GSK3B: variants seen among roughly 807,000 people sequenced by gnomAD.
GSK3B encodes glycogen synthase kinase-3 beta.
Under a neutral mutation model 56.4 loss-of-function variants are expected in GSK3B, and 15 were observed. The observed-to-expected ratio is 0.27, with a 90% confidence interval of 0.18 to 0.41. GSK3B has a LOEUF of 0.41. GSK3B is among the 10% of genes least tolerant of loss of function. The probability of loss-of-function intolerance (pLI) is 1.00; values close to 1 mark genes in which losing one functional copy is unlikely to be tolerated. For synonymous variants in GSK3B, 181 were observed against 188.9 expected, an observed-to-expected ratio of 0.96 and a Z score of 0.34; for missense variants, 300 against 513.4, an observed-to-expected ratio of 0.58 and a Z score of 4.02.
intron 5 of GSK3B, among the ~76,000 whole-genome samples, chr3:119,913,817 T>C (rs1193207066): frequency 1.3e-5 from 2 of 152,106 alleles, no homozygotes; most frequent in African/African-American, 2.4e-5. Context: ...TTTTGAAGTT[T>C]GTTTTTTAAC....
intron 1 of GSK3B, among the ~76,000 whole-genome samples, chr3:120,010,044 T>G (rs972550972): frequency 6.6e-6 from 1 of 152,108 alleles, no homozygotes; most frequent in Admixed American, 6.5e-5. Context: ...AAGAAAGAAC[T>G]CAAATCTTGT....
intron 2 of GSK3B, among the ~76,000 whole-genome samples, chr3:119,996,392 TAA>T (rs1014092063): frequency 2.6e-5 from 4 of 152,240 alleles, no homozygotes; most frequent in African/African-American, 9.6e-5. Context: ...CCATAGTATC[TAA>T]TACACAATTT....
chr3:120,071,495 C>T (rs538988186), intron 1 of GSK3B, among the ~76,000 whole-genome samples: 4 of 152,284 alleles, frequency 2.6e-5, no homozygotes, highest in South Asian at 4.1e-4. Flanking sequence ...AGCTCTGCCG[C>T]CTGTAAGATC....
At chr3:119,979,234 T>C (rs1223575619) in intron 2 of GSK3B, among the ~76,000 whole-genome samples, 1 of 152,166 alleles carries the variant, frequency 6.6e-6, no homozygotes, top group Non-Finnish European at 1.5e-5. Context: ...GTTCTCTATA[T>C]TCAGGCCTTC....
At chr3:119,942,362 A>G (rs1205922505) in intron 3 of GSK3B, among the ~76,000 whole-genome samples, 1 of 152,058 alleles carries the variant, frequency 6.6e-6, no homozygotes, top group African/African-American at 2.4e-5. Context: ...ACAATGGGGC[A>G]ATCTCGGCTC....
intron 3 of GSK3B, among the ~76,000 whole-genome samples, chr3:119,942,424 G>A (rs1179880266): frequency 3.9e-5 from 6 of 151,906 alleles, no homozygotes; most frequent in African/African-American, 1.2e-4. Context: ...TCAGCCTCTC[G>A]AGTAGCTGGG....
At chr3:119,978,003 C>T (rs558838989) in intron 2 of GSK3B, among the ~76,000 whole-genome samples, 21 of 152,272 alleles carry the variant, frequency 1.4e-4, no homozygotes, top group African/African-American at 5.1e-4. Flanking sequence ...GTACCGTCCC[C>T]ATTTTACAGG....
At chr3:119,857,116 G>A (rs1268726130) in intron 9 of GSK3B, among the ~76,000 whole-genome samples, 2 of 152,182 alleles carry the variant, frequency 1.3e-5, no homozygotes, top group Non-Finnish European at 2.9e-5. Flanking sequence ...AGCCTTCTGC[G>A]AGTCATCTTT....
At chr3:119,850,320 ACTT>A (rs2055912500) in intron 9 of GSK3B, among the ~76,000 whole-genome samples, 1 of 152,114 alleles carries the variant, frequency 6.6e-6, no homozygotes, top group African/African-American at 2.4e-5. Flanking sequence ...AATCACTACT[ACTT>A]CTACATCCTT....
chr3:119,841,504 T>G (rs1253977305), intron 10 of GSK3B, among the ~76,000 whole-genome samples: 3 of 152,214 alleles, frequency 2.0e-5, no homozygotes, highest in Non-Finnish European at 4.4e-5. Context: ...GGGCCAGTAT[T>G]AAATTTGTTA....
At chr3:119,838,908 C>T (rs1006114008) in intron 10 of GSK3B, among the ~76,000 whole-genome samples, 1 of 152,148 alleles carries the variant, frequency 6.6e-6, no homozygotes, top group African/African-American at 2.4e-5. Flanking sequence ...TAATGCTTTC[C>T]CACAAGTTTT....
intron 1 of GSK3B, among the ~76,000 whole-genome samples, chr3:120,054,759 CA>C (rs143102272): frequency 0.016 from 2,411 of 152,272 alleles, 62 homozygotes; most frequent in African/African-American, 0.055. Context: ...ATGGCTTCCA[CA>C]AATCTCCACC....
chr3:119,887,796 T>C (rs898489999), intron 7 of GSK3B, among the ~76,000 whole-genome samples: 5 of 151,890 alleles, frequency 3.3e-5, no homozygotes, highest in Non-Finnish European at 5.9e-5. Flanking sequence ...AAGAATACTA[T>C]AAAAACTCAT....
At chr3:119,995,448 A>T (rs1411769102) in intron 2 of GSK3B, among the ~76,000 whole-genome samples, 1 of 152,140 alleles carries the variant, frequency 6.6e-6, no homozygotes, top group Non-Finnish European at 1.5e-5. Context: ...AGTAATGGCA[A>T]TGTTAAGCCT....
chr3:120,016,620 G>A (rs977256266), intron 1 of GSK3B, among the ~76,000 whole-genome samples: 3 of 152,060 alleles, frequency 2.0e-5, no homozygotes, highest in African/African-American at 7.2e-5. Context: ...CTTACAAAAG[G>A]TGCTGAGGCC....
At chr3:120,076,290 T>A (rs551988693) in intron 1 of GSK3B, among the ~76,000 whole-genome samples, 2 of 152,300 alleles carry the variant, frequency 1.3e-5, no homozygotes, top group African/African-American at 4.8e-5. Flanking sequence ...TCCTTGACAT[T>A]GGTCTTGGCA....
intron 1 of GSK3B, chr3:120,029,928 C>A: frequency 1.8e-6 from 1 of 543,486 alleles, no homozygotes. Flanking sequence ...CACAGGAACA[C>A]ATGGGCCCTA....
chr3:120,057,137 T>C (rs2058197863), intron 1 of GSK3B, among the ~76,000 whole-genome samples: 1 of 152,108 alleles, frequency 6.6e-6, no homozygotes. Context: ...AGAGCAAGAT[T>C]CTGTCTCAAA....
At chr3:119,941,639 C>T (rs2057050529) in intron 3 of GSK3B, among the ~76,000 whole-genome samples, 3 of 152,006 alleles carry the variant, frequency 2.0e-5, no homozygotes, top group Admixed American at 2.0e-4. Flanking sequence ...CAATGTTTGA[C>T]ATATAAAAAG....
Sources: allele counts gnomAD v4.1 joint callset (sites outside exome capture counted in the v4.1 genomes callset), GRCh38; gene constraint gnomAD v4.1.1; transcripts MANE v1.5; gene names NCBI Gene and HGNC (gene_info 2026-07-23, HGNC 2026-07-21).